TRAPPC12: variants seen among roughly 807,000 people sequenced by gnomAD.
TRAPPC12 encodes the protein TPR repeat protein 15.
TRAPPC12 carries 61 observed loss-of-function variants against 69.2 expected under a neutral mutation model. That is an observed-to-expected ratio of 0.88 (90% CI 0.72 to 1.09). TRAPPC12 has a LOEUF of 1.09. TRAPPC12 is among the 50% of genes least tolerant of loss of function. The pLI is 0.00. For missense variants in TRAPPC12, 1,101 were observed against 1,016.4 expected (o/e 1.08, Z -1.13); for synonymous variants, 469 against 438.9 (o/e 1.07, Z -0.86).
At chr2:3,428,624 A>G (rs534831640) in intron 5 of TRAPPC12, among the ~76,000 whole-genome samples, 2 of 152,358 alleles carry the variant, frequency 1.3e-5, no homozygotes, top group East Asian at 1.9e-4. Context: ...GAACAGTATT[A>G]TGGTTGATGT....
At chr2:3,405,520 G>A (rs1256731091) in intron 3 of TRAPPC12, among the ~76,000 whole-genome samples, 1 of 152,194 alleles carries the variant, frequency 6.6e-6, no homozygotes, top group African/African-American at 2.4e-5. Flanking sequence ...CCAGGGGTAG[G>A]ATTTCCCATG....
intron 6 of TRAPPC12, among the ~76,000 whole-genome samples, chr2:3,447,883 A>G (rs909495565): frequency 6.6e-6 from 1 of 152,148 alleles, no homozygotes; most frequent in African/African-American, 2.4e-5. Context: ...TCACAACTCC[A>G]GGAAATCCTC....
chr2:3,406,278 A>G (rs1352365059), intron 3 of TRAPPC12, among the ~76,000 whole-genome samples: 2 of 148,654 alleles, frequency 1.3e-5, no homozygotes, highest in Non-Finnish European at 3.0e-5. Context: ...GAAGCAGGAA[A>G]TTATCTTAGG....
At chr2:3,399,940 G>A (rs1484861596) in intron 2 of TRAPPC12, among the ~76,000 whole-genome samples, 1 of 152,146 alleles carries the variant, frequency 6.6e-6, no homozygotes, top group Admixed American at 6.5e-5. Flanking sequence ...TGCTCCCAGT[G>A]GCCCGCCTGC....
At chr2:3,431,258 C>G (rs1192623803) in intron 5 of TRAPPC12, among the ~76,000 whole-genome samples, 1 of 152,206 alleles carries the variant, frequency 6.6e-6, no homozygotes, top group African/African-American at 2.4e-5. Context: ...CCCACAGAGT[C>G]TTTGGCCCTG....
intron 6 of TRAPPC12, among the ~76,000 whole-genome samples, chr2:3,447,763 C>T (rs183438238): frequency 5.3e-5 from 8 of 152,348 alleles, no homozygotes; most frequent in Admixed American, 3.3e-4. Flanking sequence ...TTAAAGTGAA[C>T]GGCTTGGTGT....
intron 5 of TRAPPC12, 194 bp from the exon 6 acceptor site, chr2:3,443,585 A>G (rs1664338974): frequency 1.6e-6 from 1 of 607,432 alleles, no homozygotes; most frequent in Non-Finnish European, 3.0e-6. Context: ...AATTGTCGAG[A>G]CATACATACA....
intron 3 of TRAPPC12, among the ~76,000 whole-genome samples, chr2:3,417,597 C>G (rs1000676228): frequency 6.6e-6 from 1 of 152,136 alleles, no homozygotes; most frequent in Non-Finnish European, 1.5e-5. Context: ...TGTGTCCCCC[C>G]GAGCCTAGCA....
At chr2:3,415,455 G>A (rs1228684448) in intron 3 of TRAPPC12, among the ~76,000 whole-genome samples, 2 of 148,316 alleles carry the variant, frequency 1.3e-5, no homozygotes, top group African/African-American at 5.3e-5. Context: ...GCCCAGGCTG[G>A]AGTGCAGTGG....
intron 8 of TRAPPC12, among the ~76,000 whole-genome samples, chr2:3,463,953 A>G (rs1665653366): frequency 6.6e-6 from 1 of 152,122 alleles, no homozygotes; most frequent in African/African-American, 2.4e-5. Flanking sequence ...TGGTGAGTGC[A>G]GCCTCTGTTG....
At chr2:3,398,464 G>A (rs1661245756) in intron 2 of TRAPPC12, among the ~76,000 whole-genome samples, 1 of 152,194 alleles carries the variant, frequency 6.6e-6, no homozygotes, top group South Asian at 2.1e-4. Flanking sequence ...GACCCTGCCA[G>A]GATAAACAGG....
At chr2:3,420,481 C>T (rs1319179247) in intron 3 of TRAPPC12, among the ~76,000 whole-genome samples, 2 of 152,224 alleles carry the variant, frequency 1.3e-5, no homozygotes, top group African/African-American at 2.4e-5. Flanking sequence ...CATGTATCTT[C>T]TTTAATTGTC....
chr2:3,449,825 G>C (rs1168640029), intron 6 of TRAPPC12, among the ~76,000 whole-genome samples: 1 of 152,092 alleles, frequency 6.6e-6, no homozygotes, highest in Non-Finnish European at 1.5e-5. Flanking sequence ...TGCTTCCACA[G>C]AAAACAAATT....
At chr2:3,407,860 A>G (rs143885509) in intron 3 of TRAPPC12, among the ~76,000 whole-genome samples, 19 of 152,308 alleles carry the variant, frequency 1.2e-4, no homozygotes, top group South Asian at 4.1e-4. Context: ...AAGGTGGAAA[A>G]TAATAAGATA....
In TRAPPC12 at chr2:3,391,914, C is replaced by T. The variant is rs542900589; in HGVS notation, c.1047+3244C>T. Among the ~76,000 whole-genome samples, 4 of 152,184 alleles carry T rather than the reference C, an allele frequency of 2.6e-5. No individual in the cohort carries two copies. In the South Asian group the frequency reaches 8.3e-4, roughly 32 times the overall value. On this transcript the variant is annotated intron_variant, in intron 2 of 11. Transcript: ENST00000324266. ...TGGCCTTTAGCACTTTCTTTCAAACCCTCTGTTGCTTGCCTTGCCGTTTGC... is the reference window on the plus strand; with the variant it reads ...TGGCCTTTAGCACTTTCTTTCAAACTCTCTGTTGCTTGCCTTGCCGTTTGC...
intron 3 of TRAPPC12, among the ~76,000 whole-genome samples, chr2:3,404,559 C>G (rs959880723): frequency 1.3e-5 from 2 of 152,026 alleles, no homozygotes; most frequent in Non-Finnish European, 2.9e-5. Flanking sequence ...TATGCATGAA[C>G]TGGGAGGTGA....
At chr2:3,393,917 A>T (rs139117807) in intron 2 of TRAPPC12, among the ~76,000 whole-genome samples, 1 of 152,152 alleles carries the variant, frequency 6.6e-6, no homozygotes, top group Admixed American at 6.6e-5. Context: ...CTGTGGCTCT[A>T]TTTTCTTCTC....
chr2:3,409,749 TTAAAA>T (rs1558358599), intron 3 of TRAPPC12, among the ~76,000 whole-genome samples: 3 of 88,708 alleles, frequency 3.4e-5, no homozygotes, highest in African/African-American at 5.1e-5. Flanking sequence ...GACTTTGTCT[TTAAAA>T]AAAAAAAAAA....
intron 2 of TRAPPC12, among the ~76,000 whole-genome samples, chr2:3,392,072 T>C (rs1660857726): frequency 6.6e-6 from 1 of 152,154 alleles, no homozygotes; most frequent in Admixed American, 6.5e-5. Flanking sequence ...TGTTTCACTT[T>C]GGTTGACAAA....
Sources: allele counts gnomAD v4.1 joint callset (sites outside exome capture counted in the v4.1 genomes callset), GRCh38; gene constraint gnomAD v4.1.1; transcripts MANE v1.5; gene names NCBI Gene and HGNC (gene_info 2026-07-23, HGNC 2026-07-21).